The following ADAMTS9 variants were observed in gnomAD, a reference collection of about 807,000 sequenced individuals.
ADAMTS9 encodes the protein A disintegrin and metalloproteinase with thrombospondin motifs 9.
A neutral mutation model predicts 257.1 loss-of-function variants in ADAMTS9; 107 were observed. That is an observed-to-expected ratio of 0.42 (90% CI 0.36 to 0.49). The LOEUF (loss-of-function observed/expected upper bound fraction) is 0.49, where lower values mean the gene tolerates loss of function less well. ADAMTS9 is among the 20% of genes least tolerant of loss of function. The probability of loss-of-function intolerance (pLI) is 0.03; values close to 1 mark genes in which losing one functional copy is unlikely to be tolerated. For missense variants in ADAMTS9, 2,353 were observed against 2,469.1 expected (o/e 0.95, Z 1.00); for synonymous variants, 982 against 880.9 (o/e 1.11, Z -2.03).
At position 64,648,007 on chromosome 3, in the gene ADAMTS9, C is replaced by A. The variant is rs1384374389; in HGVS notation, c.1643G>T (p.Gly548Val). Reference protein sequence around the residue: ...CRRLWCNNVNGVHKGCRTQHT... With the variant: ...CRRLWCNNVNVVHKGCRTQHT... ...CTGAGTCCGGCAGCCTTTGTGTACT[C>A]CATTGACGTTATTGCACCAGAGCCG... The change falls in exon 11 of 40, where the codon GGA (glycine) becomes GTA (valine). Residue 548 changes from glycine (G) to valine (V), a missense_variant. Around this residue, in one of 3 missense-constraint regions of ADAMTS9, gnomAD observed 360 missense variants for 458.1 expected, o/e 0.79. Coordinates refer to ENST00000498707, the MANE Select transcript of ADAMTS9 (RefSeq NM_182920.2). The A allele has an allele frequency of 6.2e-7, 1 of 1,613,604 alleles. No homozygotes were observed. Among genetic ancestry groups the A allele is most frequent in the Non-Finnish European group, 8.5e-7 (1 of 1,179,980 alleles).
chr3:64,636,590 C>G (rs1192161349), intron 12 of ADAMTS9, among the ~76,000 whole-genome samples: 1 of 152,148 alleles, frequency 6.6e-6, no homozygotes, highest in Non-Finnish European at 1.5e-5. Context: ...AACTACCATC[C>G]TGTGGGCCAA....
Position 64,687,574 on chromosome 3 carries a change from G to C in ADAMTS9, c.84C>G (p.Ala28=), listed in dbSNP as rs568394325. Reference sequence around the variant, plus strand: ...TCGGGTGCAGCCTGTCCTTGCGCACGGCCGCCGCGGCGTCTGGGCTCCCCA... The same window carrying C: ...TCGGGTGCAGCCTGTCCTTGCGCACCGCCGCCGCGGCGTCTGGGCTCCCCA... The part of the protein sequence containing the change: ...AEMGSPDAAA[A]VRKDRLHPRQ... The change falls in exon 1 of 40, where the codon GCC becomes GCG. Residue 28 remains alanine, a synonymous_variant. Transcript: ENST00000498707. The surrounding 1 kb of genome is among the most constrained non-coding windows in gnomAD (Gnocchi z 4.4). 8 of 1,568,608 alleles carry C rather than the reference G, an allele frequency of 5.1e-6. No individual in the cohort carries two copies. In the East Asian group the frequency reaches 1.4e-4, roughly 28 times the overall value.
chr3:64,525,288 T>A lies in ADAMTS9; in HGVS notation c.5719-3028A>T, dbSNP rs139752287. ...GATCAGTTCCCCTTATGCTTTACCA[T>A]GCTATGAAAAAGTCCTTCTTTAATT... On this transcript the variant is annotated intron_variant, in intron 38 of 39. Transcript: ENST00000498707. 9.3e-4 allele frequency among the ~76,000 whole-genome samples: 141 copies of A among 152,324 alleles called. 1 individual carries two copies. Among genetic ancestry groups the A allele is most frequent in the Middle Eastern group, 3.4e-3 (1 of 294 alleles).
chr3:64,675,789 A>G (rs1012493673), intron 3 of ADAMTS9, among the ~76,000 whole-genome samples: 1 of 152,148 alleles, frequency 6.6e-6, no homozygotes, highest in Non-Finnish European at 1.5e-5. Flanking sequence ...TCTTTGAGCT[A>G]ATTTTCTCAA....
chr3:64,633,986 G>T, intron 12 of ADAMTS9, 107 bp from the exon 13 acceptor site: 1 of 1,066,608 alleles, frequency 9.4e-7, no homozygotes, highest in Non-Finnish European at 1.3e-6. Flanking sequence ...GTAAATCTAG[G>T]GTGGCAAATG....
At chr3:64,524,010 T>G (rs1178904756) in intron 38 of ADAMTS9, among the ~76,000 whole-genome samples, 2 of 152,172 alleles carry the variant, frequency 1.3e-5, no homozygotes, top group African/African-American at 4.8e-5. Flanking sequence ...AGGCAAAACT[T>G]ATACAGTGAT....
chr3:64,621,414 C>G (rs528456986), intron 18 of ADAMTS9, among the ~76,000 whole-genome samples, 174 bp from the exon 19 acceptor site: 1 of 152,258 alleles, frequency 6.6e-6, no homozygotes, highest in South Asian at 2.1e-4. Context: ...CAGCCACTCA[C>G]AGGCAATACA....
chr3:64,638,716 C>T (rs1043951235), intron 12 of ADAMTS9, among the ~76,000 whole-genome samples: 1 of 152,120 alleles, frequency 6.6e-6, no homozygotes, highest in Admixed American at 6.5e-5. Context: ...GTCTCTACAG[C>T]TTGTTCATGG....
Position 64,604,358 on chromosome 3 carries a change from A to G in ADAMTS9, c.3475-27T>C, listed in dbSNP as rs569218654. ...TAGACGTGATGGGGGAAAAAAAAAC[A>G]AAGTCACTTTCAAGTCAATGCACTT... On this transcript the variant is annotated intron_variant, in intron 23 of 39. Coordinates refer to ENST00000498707, the MANE Select transcript of ADAMTS9 (RefSeq NM_182920.2). 5.4e-6 allele frequency: 8 copies of G among 1,488,336 alleles called. No homozygotes were observed. The East Asian group carries it at 1.8e-4, about 34-fold the overall frequency. The allele number at this position is 1,488,336 out of a possible 1,614,324, so 92.2% of individuals were successfully genotyped here.
chr3:64,653,325 A>G (rs1700978832), intron 8 of ADAMTS9, among the ~76,000 whole-genome samples: 2 of 152,218 alleles, frequency 1.3e-5, no homozygotes, highest in African/African-American at 4.8e-5. Context: ...GCCTGCCACA[A>G]ATGCTTAATG....
chr3:64,584,235 C>CA (rs1338723701), intron 28 of ADAMTS9: 1 of 151,996 alleles, frequency 6.6e-6, no homozygotes, highest in Non-Finnish European at 1.5e-5. Context: ...GCAGAGTCTG[C>CA]ATATGGCCAG....
chr3:64,579,913 A>G (rs1443436010), intron 28 of ADAMTS9, among the ~76,000 whole-genome samples: 1 of 152,206 alleles, frequency 6.6e-6, no homozygotes, highest in Non-Finnish European at 1.5e-5. Context: ...ATTATCTGAG[A>G]ATATCATATA....
rs57471985 is a variant in ADAMTS9, at chr3:64,643,445, A to ATTTTTTTTTTTTTTTT, written c.1711-1468_1711-1453dup. 1.8e-3 allele frequency among the ~76,000 whole-genome samples: 111 copies of ATTTTTTTTTTTTTTTT among 61,410 alleles called. 12 individuals are homozygous for ATTTTTTTTTTTTTTTT. Among genetic ancestry groups the ATTTTTTTTTTTTTTTT allele is most frequent in the African/African-American group, 2.7e-3 (39 of 14,262 alleles). The allele number at this position is 61,410 out of a possible 152,430, so 40.3% of individuals were successfully genotyped here. A position where few individuals can be genotyped will look rare whatever the true frequency, so the allele number is the denominator to read the frequency against. ...GTAGTCAACATAACATTACTCAATAATTTTTTTTTTTTTTTTTTTTTTTTT... is the reference window on the plus strand; with the variant it reads ...GTAGTCAACATAACATTACTCAATAATTTTTTTTTTTTTTTTTTTTTTTTTTTTTTTTTTTTTTTTT... On this transcript the variant is annotated intron_variant, in intron 11 of 39. Coordinates refer to ENST00000498707, the MANE Select transcript of ADAMTS9 (RefSeq NM_182920.2).
chr3:64,544,869 A>G (rs1056693195), intron 32 of ADAMTS9, among the ~76,000 whole-genome samples: 21 of 152,218 alleles, frequency 1.4e-4, no homozygotes, highest in Admixed American at 9.2e-4. Context: ...TACCCATCTG[A>G]CAAAGGGCTA....
At chr3:64,521,304 T>C (rs572118391) in intron 39 of ADAMTS9, among the ~76,000 whole-genome samples, 2 of 152,182 alleles carry the variant, frequency 1.3e-5, no homozygotes, top group African/African-American at 4.8e-5. Flanking sequence ...ATAACAGATA[T>C]TGGTGAGACT....
chr3:64,665,484 C>T (rs1017677057), intron 3 of ADAMTS9, among the ~76,000 whole-genome samples: 1 of 152,206 alleles, frequency 6.6e-6, no homozygotes, highest in Non-Finnish European at 1.5e-5. Context: ...AGGGCTAGCA[C>T]AGTGCCTAGT....
chr3:64,537,079 G>C (rs1278998009), intron 37 of ADAMTS9, among the ~76,000 whole-genome samples: 1 of 152,176 alleles, frequency 6.6e-6, no homozygotes, highest in Non-Finnish European at 1.5e-5. Context: ...TCTTGCATCA[G>C]TGTAGCTGGT....
At chr3:64,562,736 A>G (rs2083450028) in intron 29 of ADAMTS9, among the ~76,000 whole-genome samples, 1 of 152,222 alleles carries the variant, frequency 6.6e-6, no homozygotes, top group African/African-American at 2.4e-5. Flanking sequence ...TCCTAAGAGG[A>G]AGTCTTCTTA....
chr3:64,598,184 T>A (rs919643375), intron 26 of ADAMTS9, among the ~76,000 whole-genome samples: 1 of 152,218 alleles, frequency 6.6e-6, no homozygotes, highest in Non-Finnish European at 1.5e-5. Flanking sequence ...TTTACTTTTT[T>A]AATGTAGAGC....
Sources: gnomAD v4.1 joint callset for allele counts (sites outside exome capture counted in the v4.1 genomes callset) on GRCh38, gnomAD v4.1.1 for gene constraint, gnomAD v4.1.1 regional missense constraint, Gnocchi (gnomAD v3.1) non-coding constraint, MANE v1.5 for transcripts, NCBI Gene and HGNC (gene_info 2026-07-23, HGNC 2026-07-21) for gene names.